Variants in KCNIP4 observed in about 807,000 individuals in gnomAD.
The protein encoded by KCNIP4 is potassium voltage-gated channel interacting protein 4.
In KCNIP4, 12 loss-of-function variants were observed where a neutral mutation model predicts 34.0. The observed-to-expected ratio is 0.35, with a 90% CI of 0.23 to 0.57. The LOEUF (loss-of-function observed/expected upper bound fraction) is 0.57. Among genes scored for constraint, KCNIP4 ranks in the 20% least tolerant of loss-of-function variants. The pLI, the probability that KCNIP4 is intolerant of heterozygous loss-of-function variation, is 0.83. For synonymous variants in KCNIP4, 124 were observed against 102.2 expected (o/e 1.21, Z -1.29); for missense variants, 238 against 311.7 (o/e 0.76, Z 1.78).
At chr4:21,214,120 C>A (rs1409095224) in intron 1 of KCNIP4, among the ~76,000 whole-genome samples, 1 of 152,160 alleles carries the variant, frequency 6.6e-6, no homozygotes, top group Non-Finnish European at 1.5e-5. Flanking sequence ...AACATGGAAG[C>A]CATTTAGCAC....
At chr4:21,777,536 C>G (rs1392569260) in intron 1 of KCNIP4, among the ~76,000 whole-genome samples, 1 of 152,148 alleles carries the variant, frequency 6.6e-6, no homozygotes, top group East Asian at 1.9e-4. Flanking sequence ...TACAGTAGGA[C>G]ACAATGGTGA....
At chr4:21,735,736 C>A (rs1485060685) in intron 1 of KCNIP4, among the ~76,000 whole-genome samples, 1 of 152,092 alleles carries the variant, frequency 6.6e-6, no homozygotes, top group Non-Finnish European at 1.5e-5. Context: ...GAAGAGGAAG[C>A]AAAGATAAGC....
In KCNIP4 at chr4:21,139,189, A is replaced by C. The variant is rs149783007; in HGVS notation, c.62-256480T>G. Among the ~76,000 whole-genome samples, 410 of 152,292 alleles carry C rather than the reference A, an allele frequency of 2.7e-3. 2 individuals are homozygous for C. The highest frequency in any genetic ancestry group is 0.014 in the Middle Eastern group (4 of 294). On this transcript the variant is annotated intron_variant, in intron 1 of 8. Transcript: ENST00000382152. ...TTTATGAGTTTTCTCTGGAGCAAAA[A>C]TCAGGAAAGTGAGACCTGCAGCCTG...
chr4:21,781,660 GAA>G (rs1461568195), intron 1 of KCNIP4, among the ~76,000 whole-genome samples: 1 of 151,858 alleles, frequency 6.6e-6, no homozygotes, highest in African/African-American at 2.4e-5. Flanking sequence ...AGAATAAAAA[GAA>G]AAAAATTATA....
chr4:21,628,481 A>G (rs1745486702), intron 1 of KCNIP4, among the ~76,000 whole-genome samples: 1 of 152,178 alleles, frequency 6.6e-6, no homozygotes, highest in South Asian at 2.1e-4. Flanking sequence ...ATGAGCCGTG[A>G]TGATCCCAGG....
chr4:21,060,806 C>T (rs970270075), intron 1 of KCNIP4, among the ~76,000 whole-genome samples: 2 of 152,160 alleles, frequency 1.3e-5, no homozygotes, highest in African/African-American at 2.4e-5. Flanking sequence ...AAACTTCTCA[C>T]GAATCAGAAA....
rs201269517 is a variant in KCNIP4 at position 21,464,030 on chromosome 4, T to C, written c.61+484541A>G. ...GTTCACAGCATTCCTATATGATCCT[T>C]TTTTATTTCTGTAAGGTTGGTAGTG... On this transcript the variant is annotated intron_variant, in intron 1 of 8. Transcript: ENST00000382152. Among the ~76,000 whole-genome samples, 5 of 152,012 alleles carry C rather than the reference T, an allele frequency of 3.3e-5. No homozygotes were observed. In the East Asian group the frequency reaches 5.8e-4, roughly 18 times the overall value.
intron 1 of KCNIP4, among the ~76,000 whole-genome samples, chr4:21,876,067 C>T (rs1338832723): frequency 6.6e-6 from 1 of 151,898 alleles, no homozygotes. Context: ...ACAATGCTTT[C>T]CAATGAATAA....
chr4:20,734,573 A>T, intron 6 of KCNIP4, 55 bp downstream of exon 6: 1 of 837,040 alleles, frequency 1.2e-6, no homozygotes, highest in Non-Finnish European at 1.8e-6. Context: ...AATATTTTAA[A>T]GTTAAGAAAT....
intron 1 of KCNIP4, among the ~76,000 whole-genome samples, chr4:21,066,890 G>T (rs1373584542): frequency 1.3e-5 from 2 of 152,178 alleles, no homozygotes; most frequent in African/African-American, 4.8e-5. Context: ...GGGACTTGGA[G>T]TGCATGTGAC....
intron 1 of KCNIP4, among the ~76,000 whole-genome samples, chr4:21,277,337 G>T (rs1762503980): frequency 6.6e-6 from 1 of 152,152 alleles, no homozygotes; most frequent in African/African-American, 2.4e-5. Context: ...GGATGGAAAA[G>T]CAGAGATCAA....
chr4:21,340,361 C>T (rs942968204), intron 1 of KCNIP4, among the ~76,000 whole-genome samples: 1 of 152,080 alleles, frequency 6.6e-6, no homozygotes, highest in Non-Finnish European at 1.5e-5. Flanking sequence ...CAGATTATTC[C>T]TTCTAATTAT....
chr4:20,916,177 T>C, intron 1 of KCNIP4: 1 of 248,552 alleles, frequency 4.0e-6, no homozygotes, highest in Non-Finnish European at 6.4e-6. Context: ...TCTGTCCACC[T>C]TCACTCACAA....
chr4:21,290,473 T>C (rs1050912308), intron 1 of KCNIP4, among the ~76,000 whole-genome samples: 2 of 152,232 alleles, frequency 1.3e-5, no homozygotes, highest in African/African-American at 4.8e-5. Flanking sequence ...TGTCACTGTG[T>C]GTATATACCA....
intron 1 of KCNIP4, among the ~76,000 whole-genome samples, chr4:21,171,731 G>A (rs1754034593): frequency 6.6e-6 from 1 of 152,140 alleles, no homozygotes; most frequent in Non-Finnish European, 1.5e-5. Flanking sequence ...AATAGTCATA[G>A]TTAGCTCCAT....
intron 1 of KCNIP4, among the ~76,000 whole-genome samples, chr4:21,772,988 T>A (rs909245419): frequency 6.6e-6 from 1 of 152,192 alleles, no homozygotes; most frequent in African/African-American, 2.4e-5. Context: ...CTTGCCTCTC[T>A]AGCTCTTTTA....
At chr4:21,629,927 T>C (rs1195395665) in intron 1 of KCNIP4, among the ~76,000 whole-genome samples, 1 of 143,072 alleles carries the variant, frequency 7.0e-6, no homozygotes, top group Non-Finnish European at 1.5e-5. Context: ...CATGGCTCAC[T>C]GTAGGCTTAA....
chr4:21,528,312 T>G (rs1006055730), intron 1 of KCNIP4, among the ~76,000 whole-genome samples: 1 of 152,112 alleles, frequency 6.6e-6, no homozygotes, highest in African/African-American at 2.4e-5. Context: ...GATTGTACAA[T>G]GCTTGACCAG....
At chr4:21,848,088 C>T (rs1724140042) in intron 1 of KCNIP4, 1 of 152,144 alleles carries the variant, frequency 6.6e-6, no homozygotes, top group South Asian at 2.1e-4. Flanking sequence ...GGAAGTCTCA[C>T]TCCAGATAAT....
Sources: allele counts gnomAD v4.1 joint callset (sites outside exome capture counted in the v4.1 genomes callset), GRCh38; gene constraint gnomAD v4.1.1; transcripts MANE v1.5; gene names NCBI Gene and HGNC (gene_info 2026-07-23, HGNC 2026-07-21).